SGCD: variants seen among roughly 807,000 people sequenced by gnomAD.
SGCD encodes delta-sarcoglycan.
In SGCD, 18 loss-of-function variants were observed where a neutral mutation model predicts 36.6. The ratio of observed to expected loss-of-function variants is 0.49; its 90% CI spans 0.34 to 0.73. The LOEUF is 0.73. Among genes scored for constraint, SGCD ranks in the 30% least tolerant of loss-of-function variants. The pLI, the probability that SGCD is intolerant of heterozygous loss-of-function variation, is 0.01. For synonymous variants in SGCD, 133 were observed against 130.6 expected (o/e 1.02, Z -0.12); for missense variants, 387 against 346.7 (o/e 1.12, Z -0.92).
intron 3 of SGCD, among the ~76,000 whole-genome samples, chr5:156,505,780 A>AACAC (rs56290159): frequency 6.0e-5 from 9 of 150,146 alleles, no homozygotes; most frequent in East Asian, 5.9e-4. Context: ...ATATACACCA[A>AACAC]ACACACACAC....
intron 1 of SGCD, among the ~76,000 whole-genome samples, chr5:155,884,546 G>T (rs1204994266): frequency 6.6e-6 from 1 of 152,200 alleles, no homozygotes; most frequent in Non-Finnish European, 1.5e-5. Flanking sequence ...TCTGGGTAAA[G>T]ATGCTCAGGT....
chr5:156,012,613 A>T (rs1044767523), intron 1 of SGCD, among the ~76,000 whole-genome samples: 7 of 104,836 alleles, frequency 6.7e-5, no homozygotes, highest in African/African-American at 3.0e-4. Flanking sequence ...GCACAGAGAT[A>T]ATTTTTTTTT....
At chr5:156,071,284 C>T (rs1001126411) in intron 1 of SGCD, among the ~76,000 whole-genome samples, 33 of 152,144 alleles carry the variant, frequency 2.2e-4, no homozygotes, top group Non-Finnish European at 4.4e-4. Flanking sequence ...ATAAATTTCC[C>T]TCTACACACT....
At chr5:156,557,934 G>A in intron 4 of SGCD, among the ~76,000 whole-genome samples, 1 of 151,482 alleles carries the variant, frequency 6.6e-6, no homozygotes, top group East Asian at 1.9e-4. Context: ...CTGATTTGGA[G>A]AGTTGTCCAT....
chr5:155,769,150 A>T, the SGCD span, among the ~76,000 whole-genome samples: 4 of 152,110 alleles, frequency 2.6e-5, no homozygotes, highest in Non-Finnish European at 4.4e-5. Flanking sequence ...AAAAAATGTA[A>T]AGAAGTGAAT....
chr5:155,812,183 G>A, the SGCD span, among the ~76,000 whole-genome samples: 1 of 152,228 alleles, frequency 6.6e-6, no homozygotes. Context: ...GTGGCAAGAT[G>A]AGGGTGTTTA....
chr5:155,918,814 T>C (rs995439232), intron 1 of SGCD, among the ~76,000 whole-genome samples: 2 of 152,244 alleles, frequency 1.3e-5, no homozygotes, highest in East Asian at 1.9e-4. Flanking sequence ...TAGCCGTCAA[T>C]AGTTGCCTAA....
chr5:156,042,269 T>C (rs924901057), intron 1 of SGCD, among the ~76,000 whole-genome samples: 1 of 151,988 alleles, frequency 6.6e-6, no homozygotes. Context: ...CACCTGAAAG[T>C]GTCACTTGGC....
intron 3 of SGCD, among the ~76,000 whole-genome samples, chr5:156,185,766 A>G (rs1763727731): frequency 6.7e-6 from 1 of 148,962 alleles, no homozygotes; most frequent in Non-Finnish European, 1.5e-5. Context: ...TTCTGTTGTG[A>G]GACTTTTAAA....
At chr5:155,800,645 T>G in the SGCD span, among the ~76,000 whole-genome samples, 1 of 152,160 alleles carries the variant, frequency 6.6e-6, no homozygotes, top group Non-Finnish European at 1.5e-5. Flanking sequence ...GAGTTGTGTC[T>G]TTTTTCATCA....
At chr5:156,149,143 G>A (rs1762775528) in intron 3 of SGCD, among the ~76,000 whole-genome samples, 5 of 152,098 alleles carry the variant, frequency 3.3e-5, no homozygotes, top group Admixed American at 3.3e-4. Context: ...GTACATAGTA[G>A]GTATATGTAT....
chr5:156,692,529 A>G lies in SGCD; in HGVS notation c.575+44993A>G, dbSNP rs189671438. The stretch of plus-strand genomic sequence containing the variant: ...CATATACAAAAGAGACAATGGTATA[A>G]TGAACCTCTATGTACCTATCACCCA... On this transcript the variant is annotated intron_variant, in intron 7 of 8. Transcript: ENST00000337851. Among the ~76,000 whole-genome samples, 1,018 of 152,300 alleles carry G rather than the reference A, an allele frequency of 6.7e-3. 7 individuals carry two copies. Among genetic ancestry groups the G allele is most frequent in the Non-Finnish European group, 0.01 (693 of 68,014 alleles).
rs959462955 is a variant in SGCD at position 156,058,230 on chromosome 5, A to G, written c.-281-59648A>G. ...TATTAAAAGCAGGAGACAGAGGAAC[A>G]TGTTAAGTAATATTATGAGGGATTA... is the stretch of plus-strand genomic sequence containing the variant. On this transcript the variant is annotated intron_variant, in intron 1 of 9. Coordinates refer to the SGCD transcript ENST00000517913. Among the ~76,000 whole-genome samples, 6 of 146,348 alleles carry G rather than the reference A, an allele frequency of 4.1e-5. 2 individuals are homozygous for G. Among genetic ancestry groups the G allele is most frequent in the Non-Finnish European group, 9.2e-5 (6 of 64,972 alleles).
chr5:155,867,292 C>T (rs13436254), upstream of SGCD, among the ~76,000 whole-genome samples: 143 of 152,012 alleles, frequency 9.4e-4, no homozygotes, highest in Non-Finnish European at 1.7e-3. Flanking sequence ...CAGAAAAATA[C>T]GGCAAAGATA....
chr5:155,812,059 A>G, the SGCD span, among the ~76,000 whole-genome samples: 17 of 152,364 alleles, frequency 1.1e-4, no homozygotes, highest in African/African-American at 3.8e-4. Context: ...AACAATTGCA[A>G]CAAAAGCTGG....
At chr5:155,842,665 G>T in the SGCD span, among the ~76,000 whole-genome samples, 2 of 152,074 alleles carry the variant, frequency 1.3e-5, no homozygotes, top group East Asian at 3.9e-4. Flanking sequence ...GCATATATCA[G>T]TTCTGATGAG....
chr5:156,391,293 A>C (rs1771548194), intron 3 of SGCD, among the ~76,000 whole-genome samples: 1 of 152,190 alleles, frequency 6.6e-6, no homozygotes, highest in African/African-American at 2.4e-5. Flanking sequence ...AGCACGCTCT[A>C]CTATCTAGGT....
Position 156,271,084 on chromosome 5 carries a change from C to T in SGCD, c.-43-58450C>T, listed in dbSNP as rs6860523. On this transcript the variant is annotated intron_variant, in intron 3 of 9. Transcript: ENST00000517913. ...TTCTAATAGAGGCGTTTTGGAAAGA[C>T]GGAGATTTTCTTGACTCTTAAGTTT... is the stretch of plus-strand genomic sequence containing the variant. Among the ~76,000 whole-genome samples, 533 of 152,248 alleles carry T rather than the reference C, an allele frequency of 3.5e-3. 3 individuals carry two copies. The highest frequency in any genetic ancestry group is 0.011 in the African/African-American group (468 of 41,548).
At chr5:156,087,704 A>G (rs1026224923) in intron 1 of SGCD, among the ~76,000 whole-genome samples, 9 of 151,884 alleles carry the variant, frequency 5.9e-5, no homozygotes. Context: ...TGCATGTGGT[A>G]CATTTTGCCA....
Sources: allele counts gnomAD v4.1 joint callset (sites outside exome capture counted in the v4.1 genomes callset), GRCh38; gene constraint gnomAD v4.1.1; transcripts MANE v1.5; gene names NCBI Gene and HGNC (gene_info 2026-07-23, HGNC 2026-07-21).